Variants in GULP1 observed in about 807,000 individuals in gnomAD.
The protein encoded by GULP1 is PTB domain-containing engulfment adapter protein 1.
In GULP1, 19 loss-of-function variants were observed where a neutral mutation model predicts 40.9. The ratio of observed to expected loss-of-function variants is 0.46; its 90% CI spans 0.32 to 0.68. The LOEUF (loss-of-function observed/expected upper bound fraction) is 0.68, where lower values mean the gene tolerates loss of function less well. GULP1 is among the 30% of genes least tolerant of loss of function. The pLI, the probability that GULP1 is intolerant of heterozygous loss-of-function variation, is 0.03. For missense variants in GULP1, 312 were observed against 362.2 expected, an observed-to-expected ratio of 0.86 and a Z score of 1.12; for synonymous variants, 119 against 117.6, an observed-to-expected ratio of 1.01 and a Z score of -0.08.
At chr2:188,542,222 C>T (rs1559360887) in intron 7 of GULP1, 3 of 152,090 alleles carry the variant, frequency 2.0e-5, no homozygotes, top group Admixed American at 2.0e-4. Context: ...GGAAAACCCA[C>T]TGGTGGCTGC....
chr2:188,562,378 A>T (rs1051221394), intron 7 of GULP1, among the ~76,000 whole-genome samples: 14 of 152,272 alleles, frequency 9.2e-5, no homozygotes, highest in Admixed American at 9.2e-4. Flanking sequence ...CTCCCAGCTG[A>T]TCTCAACCAA....
At chr2:188,372,556 T>G (rs1360513451) in intron 1 of GULP1, among the ~76,000 whole-genome samples, 3 of 152,030 alleles carry the variant, frequency 2.0e-5, no homozygotes, top group African/African-American at 7.2e-5. Context: ...TTGAAAGTGT[T>G]TTCATACATG....
intron 2 of GULP1, among the ~76,000 whole-genome samples, chr2:188,410,619 A>G (rs1293044514): frequency 3.3e-5 from 5 of 152,180 alleles, no homozygotes; most frequent in African/African-American, 1.2e-4. Flanking sequence ...AATCATGAGG[A>G]AAATGCAAAT....
chr2:188,418,388 T>C (rs1467377233), intron 2 of GULP1, among the ~76,000 whole-genome samples: 1 of 152,160 alleles, frequency 6.6e-6, no homozygotes, highest in Non-Finnish European at 1.5e-5. Flanking sequence ...TCCCAGCACT[T>C]TGGGAGGCCA....
At chr2:188,374,513 G>T (rs958193151) in intron 1 of GULP1, among the ~76,000 whole-genome samples, 1 of 152,032 alleles carries the variant, frequency 6.6e-6, no homozygotes, top group African/African-American at 2.4e-5. Context: ...ATATTTTAAG[G>T]CAAGAAACAT....
chr2:188,553,608 G>A (rs1300166972), intron 7 of GULP1, among the ~76,000 whole-genome samples: 2 of 151,966 alleles, frequency 1.3e-5, no homozygotes, highest in Admixed American at 6.6e-5. Flanking sequence ...ATATTGACCA[G>A]TAGTTTTGTT....
intron 1 of GULP1, among the ~76,000 whole-genome samples, chr2:188,346,145 TGCC>T (rs2043612416): frequency 2.0e-5 from 3 of 152,248 alleles, no homozygotes; most frequent in African/African-American, 7.2e-5. Flanking sequence ...AAGTAATTCC[TGCC>T]TTACAGGCTG....
chr2:188,469,966 G>A (rs552285127), intron 2 of GULP1, among the ~76,000 whole-genome samples: 1 of 152,192 alleles, frequency 6.6e-6, no homozygotes, highest in South Asian at 2.1e-4. Context: ...CGCTAGTACT[G>A]TGTTGAGGAT....
At chr2:188,555,914 C>T (rs939389172) in intron 7 of GULP1, among the ~76,000 whole-genome samples, 1 of 151,726 alleles carries the variant, frequency 6.6e-6, no homozygotes, top group African/African-American at 2.4e-5. Flanking sequence ...AAAAATTAGC[C>T]AGGCATGGTG....
rs376957767 is a variant in GULP1, at chr2:188,353,791, C to T, written c.-171-29972C>T. On this transcript the variant is annotated intron_variant, in intron 1 of 11. Coordinates refer to ENST00000409830, the MANE Select transcript of GULP1 (RefSeq NM_016315.4). ...AGAGGTGCCCTGTATCCCAGAGAAA[C>T]AGTGCTTTGGTCACCCAGAGCAGAT... Among the ~76,000 whole-genome samples the T allele has an allele frequency of 2.0e-5, 3 of 151,806 alleles. No homozygotes were observed. In the East Asian group the frequency reaches 5.8e-4, roughly 30 times the overall value.
intron 1 of GULP1, among the ~76,000 whole-genome samples, chr2:188,374,692 G>C (rs757901970): frequency 7.3e-5 from 11 of 151,716 alleles, no homozygotes; most frequent in Admixed American, 1.3e-4. Flanking sequence ...TCATGGTACT[G>C]CCATTGACCA....
chr2:188,293,701 G>T (rs2034304121), intron 1 of GULP1: 1 of 152,236 alleles, frequency 6.6e-6, no homozygotes, highest in Non-Finnish European at 1.5e-5. Flanking sequence ...ACAGCAGACA[G>T]GCTAAGGTAC....
At chr2:188,383,668 T>C (rs2049293829) in intron 1 of GULP1, 95 bp from the exon 2 acceptor site, 1 of 152,228 alleles carries the variant, frequency 6.6e-6, no homozygotes, top group African/African-American at 2.4e-5. Flanking sequence ...AGAAGCATAA[T>C]TGGAATTTTA....
At chr2:188,541,087 A>G (rs747773299) in intron 6 of GULP1, 94 bp from the exon 7 acceptor site, 1 of 1,030,446 alleles carries the variant, frequency 9.7e-7, no homozygotes, top group Non-Finnish European at 1.4e-6. Context: ...TGATTGTTCT[A>G]CTTTTAAAGT....
intron 1 of GULP1, among the ~76,000 whole-genome samples, chr2:188,345,214 C>T (rs775256309): frequency 2.0e-5 from 3 of 152,132 alleles, no homozygotes; most frequent in African/African-American, 4.8e-5. Flanking sequence ...TACGCAAGAC[C>T]GTTTCCCTAA....
intron 3 of GULP1, among the ~76,000 whole-genome samples, chr2:188,479,699 C>T (rs893505515): frequency 6.6e-6 from 1 of 152,056 alleles, no homozygotes; most frequent in Non-Finnish European, 1.5e-5. Context: ...TATAATCCTC[C>T]TTTCCTATCA....
intron 2 of GULP1, among the ~76,000 whole-genome samples, chr2:188,441,007 C>G (rs1244847609): frequency 2.6e-5 from 4 of 152,094 alleles, no homozygotes; most frequent in Admixed American, 2.0e-4. Flanking sequence ...TGGTCCCTAT[C>G]CTAGTTTGGT....
chr2:188,416,355 A>C (rs943440178), intron 2 of GULP1, among the ~76,000 whole-genome samples: 1 of 152,188 alleles, frequency 6.6e-6, no homozygotes, highest in African/African-American at 2.4e-5. Flanking sequence ...AAGTATTCTA[A>C]AAATCATTGA....
intron 7 of GULP1, among the ~76,000 whole-genome samples, chr2:188,542,400 C>T (rs1295185710): frequency 1.3e-5 from 2 of 152,042 alleles, no homozygotes; most frequent in African/African-American, 4.8e-5. Context: ...TTCTTGAGAA[C>T]AAATACCTTT....
Sources: allele counts gnomAD v4.1 joint callset (sites outside exome capture counted in the v4.1 genomes callset), GRCh38; gene constraint gnomAD v4.1.1; transcripts MANE v1.5; gene names NCBI Gene and HGNC (gene_info 2026-07-23, HGNC 2026-07-21).